The following ARHGAP21 variants were observed in gnomAD, a reference collection of about 807,000 sequenced individuals.
The protein encoded by ARHGAP21 is Rho GTPase activating protein 21.
ARHGAP21 carries 38 observed loss-of-function variants against 164.6 expected under a neutral mutation model. That is an observed-to-expected ratio of 0.23 (90% confidence interval 0.18 to 0.30). ARHGAP21 has a LOEUF of 0.30. Among genes scored for constraint, ARHGAP21 ranks in the 10% least tolerant of loss-of-function variants. The pLI, the probability that ARHGAP21 is intolerant of heterozygous loss-of-function variation, is 1.00. For synonymous variants in ARHGAP21, 766 were observed against 857.9 expected (o/e 0.89, Z 1.87); for missense variants, 1,822 against 2,370.7 (o/e 0.77, Z 4.81).
intron 4 of ARHGAP21, among the ~76,000 whole-genome samples, chr10:24,661,531 A>G (rs1839694589): frequency 6.6e-6 from 1 of 152,230 alleles, no homozygotes; most frequent in Non-Finnish European, 1.5e-5. Flanking sequence ...CAACTGTTTA[A>G]CAGAATTTTG....
intron 15 of ARHGAP21, 28 bp from the exon 16 acceptor site, chr10:24,597,611 A>C (rs2076638524): frequency 1.9e-6 from 3 of 1,612,476 alleles, no homozygotes; most frequent in Non-Finnish European, 1.7e-6. Flanking sequence ...ATTTGTTAAC[A>C]ATTACAGTAA....
chr10:24,678,149 C>A (rs1428902882), intron 2 of ARHGAP21, among the ~76,000 whole-genome samples: 1 of 151,958 alleles, frequency 6.6e-6, no homozygotes, highest in Non-Finnish European at 1.5e-5. Flanking sequence ...TAGAGAGATC[C>A]TATGTAATCT....
At chr10:24,700,173 ACCAG>A (rs1206466106) in intron 2 of ARHGAP21, among the ~76,000 whole-genome samples, 2 of 152,060 alleles carry the variant, frequency 1.3e-5, no homozygotes, top group Non-Finnish European at 2.9e-5. Flanking sequence ...CCTGTGGAAA[ACCAG>A]CCATCTGTGC....
chr10:24,697,877 A>T (rs1184113284), intron 2 of ARHGAP21, among the ~76,000 whole-genome samples: 1 of 151,394 alleles, frequency 6.6e-6, no homozygotes, highest in Non-Finnish European at 1.5e-5. Flanking sequence ...ATAAAAAAAT[A>T]AAAAAAATAA....
At chr10:24,668,718 C>A (rs1163422212) in intron 3 of ARHGAP21, among the ~76,000 whole-genome samples, 1 of 151,642 alleles carries the variant, frequency 6.6e-6, no homozygotes, top group Non-Finnish European at 1.5e-5. Flanking sequence ...CACTTAAATA[C>A]GTTTCACATA....
chr10:24,707,599 C>T (rs1268113895), intron 2 of ARHGAP21, among the ~76,000 whole-genome samples: 1 of 152,164 alleles, frequency 6.6e-6, no homozygotes, highest in Non-Finnish European at 1.5e-5. Flanking sequence ...CATCACCTTC[C>T]CTCCAAACTT....
At chr10:24,599,162 A>C (rs1010808663) in intron 14 of ARHGAP21, among the ~76,000 whole-genome samples, 3 of 152,216 alleles carry the variant, frequency 2.0e-5, no homozygotes, top group African/African-American at 7.2e-5. Flanking sequence ...GCATTATCTC[A>C]TTCAATCCTC....
intron 2 of ARHGAP21, among the ~76,000 whole-genome samples, chr10:24,703,495 C>T (rs183841680): frequency 1.1e-3 from 161 of 152,298 alleles, no homozygotes; most frequent in Non-Finnish European, 2.0e-3. Flanking sequence ...ATACCACTGC[C>T]ACAGAGCCAG....
At chr10:24,650,798 G>C (rs1034142862) in intron 4 of ARHGAP21, among the ~76,000 whole-genome samples, 1 of 152,282 alleles carries the variant, frequency 6.6e-6, no homozygotes, top group East Asian at 1.9e-4. Context: ...AGCTACCAAG[G>C]CAGAGATGGC....
intron 2 of ARHGAP21, among the ~76,000 whole-genome samples, chr10:24,705,200 G>A (rs1247132390): frequency 3.9e-5 from 6 of 152,110 alleles, no homozygotes; most frequent in African/African-American, 1.4e-4. Flanking sequence ...GTCACTAAAC[G>A]CTAAAAAATT....
chr10:24,669,280 C>T (rs1476799853), intron 3 of ARHGAP21, among the ~76,000 whole-genome samples: 2 of 152,120 alleles, frequency 1.3e-5, no homozygotes, highest in Non-Finnish European at 2.9e-5. Flanking sequence ...TAATTTAAAA[C>T]TGTGGTCTCT....
chr10:24,652,677 A>G (rs1838304396), intron 4 of ARHGAP21, among the ~76,000 whole-genome samples: 1 of 152,250 alleles, frequency 6.6e-6, no homozygotes, highest in Non-Finnish European at 1.5e-5. Context: ...AATCAACCTC[A>G]TTAGTCTTCA....
At chr10:24,677,625 A>C (rs2131852871) in intron 2 of ARHGAP21, among the ~76,000 whole-genome samples, 1 of 152,320 alleles carries the variant, frequency 6.6e-6, no homozygotes, top group South Asian at 2.1e-4. Flanking sequence ...CTAAGCCCCA[A>C]GCGACTGCAA....
intron 2 of ARHGAP21, among the ~76,000 whole-genome samples, chr10:24,708,718 G>A (rs555971157): frequency 1.2e-4 from 18 of 152,282 alleles, no homozygotes; most frequent in African/African-American, 4.3e-4. Flanking sequence ...TTAAGATAAT[G>A]TCCTCCAGTT....
chr10:24,721,983 G>T lies in ARHGAP21; in HGVS notation c.-84C>A. ...GGAATGCCACCACACACCCGAAGGG[G>T]AAGAATTCCACAAGCAGGCTCCGAG... On this transcript the variant is annotated 5_prime_UTR_variant, in exon 2 of 26. Coordinates refer to ENST00000396432, the MANE Select transcript of ARHGAP21 (RefSeq NM_020824.4). 7.0e-7 allele frequency: 1 copy of T among 1,432,928 alleles called. No individual in the cohort carries two copies. The highest frequency in any genetic ancestry group is 9.7e-7 in the Non-Finnish European group (1 of 1,025,850). The allele number at this position is 1,432,928 out of a possible 1,614,324, so 88.8% of individuals were successfully genotyped here.
At chr10:24,656,442 G>A (rs1274931946) in intron 4 of ARHGAP21, among the ~76,000 whole-genome samples, 6 of 71,034 alleles carry the variant, frequency 8.4e-5, no homozygotes, top group Admixed American at 1.2e-4. Context: ...GGTGAGGGGC[G>A]CCTCTGCCCG....
At chr10:24,627,143 GA>G (rs994487750) in intron 7 of ARHGAP21, among the ~76,000 whole-genome samples, 2 of 151,710 alleles carry the variant, frequency 1.3e-5, no homozygotes, top group African/African-American at 4.8e-5. Context: ...TTCAGGAAAA[GA>G]AAAAAAACCT....
intron 9 of ARHGAP21, among the ~76,000 whole-genome samples, chr10:24,610,857 C>T (rs1383913663): frequency 6.6e-6 from 1 of 151,812 alleles, no homozygotes; most frequent in Admixed American, 6.6e-5. Flanking sequence ...GTGGAAAGAG[C>T]GAAACACATG....
At chr10:24,597,679 C>A in intron 15 of ARHGAP21, 96 bp from the exon 16 acceptor site, 1 of 1,509,096 alleles carries the variant, frequency 6.6e-7, no homozygotes. Context: ...AAAATATTAA[C>A]TGGAAAATTC....
Sources: gnomAD v4.1 joint callset for allele counts (sites outside exome capture counted in the v4.1 genomes callset) on GRCh38, gnomAD v4.1.1 for gene constraint, MANE v1.5 for transcripts, NCBI Gene and HGNC (gene_info 2026-07-23, HGNC 2026-07-21) for gene names.